Variants in VCL observed in about 807,000 individuals in gnomAD.
VCL encodes the protein vinculin.
A neutral mutation model predicts 125.7 loss-of-function variants in VCL; 47 were observed. The ratio of observed to expected loss-of-function variants is 0.37; its 90% confidence interval spans 0.30 to 0.48. VCL has a LOEUF of 0.48. Ranked by LOEUF, VCL falls within the 20% of genes least tolerant of loss-of-function variation. The probability of loss-of-function intolerance (pLI) is 0.99; values close to 1 mark genes in which losing one functional copy is unlikely to be tolerated. For synonymous variants in VCL, 458 were observed against 514.6 expected (o/e 0.89, Z 1.49); for missense variants, 1,069 against 1,455.5 (o/e 0.73, Z 4.32).
Position 74,109,122 on chromosome 10 carries a change from A to G in VCL, c.2711A>G (p.Gln904Arg), listed in dbSNP as rs1591716090. 6.2e-7 allele frequency: 1 copy of G among 1,614,098 alleles called. No homozygotes were observed. Among genetic ancestry groups the G allele is most frequent in the Non-Finnish European group, 8.5e-7 (1 of 1,180,020 alleles). Residue 904 changes from glutamine (Q) to arginine (R), a missense_variant, in exon 18 of 22, where the codon CAG becomes CGG. Gln to Arg is a conservative substitution (Grantham distance 43, BLOSUM62 1). Transcript: ENST00000211998. ...INQPMMMAAR[Q>R]LHDEARKWSS... ...CAGCCAATGATGATGGCTGCCAGAC[A>G]GCTCCATGATGAAGCTCGCAAATGG...
At chr10:74,083,977 C>G (rs1236814968) in intron 8 of VCL, among the ~76,000 whole-genome samples, 1 of 152,160 alleles carries the variant, frequency 6.6e-6, no homozygotes, top group African/African-American at 2.4e-5. Flanking sequence ...AAGCAGTTCT[C>G]TGCCTCAACC....
intron 16 of VCL, among the ~76,000 whole-genome samples, chr10:74,105,910 C>T (rs549732058): frequency 2.4e-4 from 30 of 124,404 alleles, no homozygotes; most frequent in Admixed American, 2.4e-3. Flanking sequence ...CCAACCTCTG[C>T]GCTTTTTTTT....
In VCL at chr10:74,118,333, C is replaced by CT. The variant is rs1840343103; in HGVS notation, c.*170dup. 3 of 818,218 alleles carry CT rather than the reference C, an allele frequency of 3.7e-6. No homozygotes were observed. Among genetic ancestry groups the CT allele is most frequent in the Non-Finnish European group, 6.0e-6 (3 of 501,854 alleles). 50.7% of individuals were successfully genotyped at this position (818,218 alleles called of 1,614,324 possible). ...CTTCAAATTAGAAGACATTTATACTCTTTTTTCATGGACACTTTGAAATGT... is the reference window on the plus strand; with the variant it reads ...CTTCAAATTAGAAGACATTTATACTCTTTTTTTCATGGACACTTTGAAATGT... On this transcript the variant is annotated 3_prime_UTR_variant, in exon 22 of 22. Transcript: ENST00000211998.
chr10:74,090,832 A>G (rs1014566161), intron 10 of VCL, among the ~76,000 whole-genome samples: 13 of 150,286 alleles, frequency 8.7e-5, no homozygotes, highest in Admixed American at 2.7e-4. Flanking sequence ...ATAGGGTCTC[A>G]CTCTACCACC....
intron 10 of VCL, 45 bp downstream of exon 10, chr10:74,090,243 C>A: frequency 6.2e-7 from 1 of 1,603,202 alleles, no homozygotes; most frequent in Non-Finnish European, 8.5e-7. Flanking sequence ...CTTTTCTTCT[C>A]TTTCTCTCTC....
At chr10:74,104,628 C>A (rs1343649928) in intron 15 of VCL, among the ~76,000 whole-genome samples, 5 of 152,094 alleles carry the variant, frequency 3.3e-5, no homozygotes, top group South Asian at 2.1e-4. Flanking sequence ...TATTGGAATC[C>A]TCCGCATGGC....
chr10:74,008,091 A>C (rs1840353017), intron 1 of VCL, among the ~76,000 whole-genome samples: 1 of 152,174 alleles, frequency 6.6e-6, no homozygotes, highest in Non-Finnish European at 1.5e-5. Flanking sequence ...GGCATGAGCC[A>C]CCGCGCCCGG....
intron 1 of VCL, among the ~76,000 whole-genome samples, chr10:74,015,321 G>A (rs924220647): frequency 6.6e-6 from 1 of 152,234 alleles, no homozygotes; most frequent in African/African-American, 2.4e-5. Context: ...GGGGGGCCCA[G>A]GCGGGTGGAT....
intron 17 of VCL, 88 bp from the exon 18 acceptor site, chr10:74,108,883 T>C: frequency 6.5e-7 from 1 of 1,543,384 alleles, no homozygotes; most frequent in African/African-American, 1.4e-5. Context: ...TGGGTGGGTT[T>C]TCTAGGGATG....
rs765806176 is a variant in VCL, at chr10:74,107,237, A to G, written c.2442A>G (p.Gln814=). 1.9e-6 allele frequency: 3 copies of G among 1,614,194 alleles called. No individual in the cohort carries two copies. The highest frequency in any genetic ancestry group is 1.3e-5 in the African/African-American group (1 of 75,048). ...VAGNISDPGL[Q]KSFLDSGYRI... ...AGGATGTCTTGTGTTTAGGACTGCA[A>G]AAGAGCTTCCTGGACTCAGGATATC... The change falls in exon 17 of 22, where the codon CAA becomes CAG. Residue 814 remains glutamine (Q), a synonymous_variant. Transcript: ENST00000211998.
At chr10:74,053,558 T>G (rs1186138030) in intron 2 of VCL, among the ~76,000 whole-genome samples, 1 of 152,104 alleles carries the variant, frequency 6.6e-6, no homozygotes, top group Non-Finnish European at 1.5e-5. Flanking sequence ...TTTCTCAAGT[T>G]TATTATTTGA....
rs776751791 is a variant in VCL at position 74,074,876 on chromosome 10, T to C, written c.756T>C (p.Ser252=). Residue 252 remains serine, a synonymous_variant, in exon 6 of 22, where the codon TCT becomes TCC. Transcript: ENST00000211998. ...NEIIRVLQLT[S]WDEDAWASKD... is the part of the protein sequence containing the mutation. ...TAATTCGTGTGTTACAACTCACCTC[T>C]TGGGATGAAGATGCCTGGGCCAGCA... is the stretch of plus-strand genomic sequence containing the variant. 1.9e-6 allele frequency: 3 copies of C among 1,614,188 alleles called. No individual in the cohort carries two copies. In the South Asian group the frequency reaches 3.3e-5, roughly 18 times the overall value.
chr10:74,009,806 C>CT (rs999777286), intron 1 of VCL, among the ~76,000 whole-genome samples: 1 of 151,696 alleles, frequency 6.6e-6, no homozygotes, highest in African/African-American at 2.4e-5. Context: ...GACGGGGTTT[C>CT]ACCTATTGGC....
At chr10:74,026,617 GTTTA>G (rs973366753) in intron 1 of VCL, among the ~76,000 whole-genome samples, 136 of 152,286 alleles carry the variant, frequency 8.9e-4, no homozygotes, top group African/African-American at 3.0e-3. Flanking sequence ...AGGGACTAAT[GTTTA>G]TTTAGCCCTT....
intron 5 of VCL, 131 bp downstream of exon 5, chr10:74,072,983 C>T: frequency 3.0e-6 from 4 of 1,351,210 alleles, no homozygotes; most frequent in Non-Finnish European, 4.1e-6. Flanking sequence ...ACTCTGTTGC[C>T]AGGCTGGAGT....
Position 74,094,380 on chromosome 10 carries a change from A to G in VCL, c.1462A>G (p.Lys488Glu), listed in dbSNP as rs1193534102. 1.9e-6 allele frequency: 3 copies of G among 1,614,198 alleles called. No homozygotes were observed. The change falls in exon 11 of 22, where the codon AAA becomes GAA. Residue 488 changes from lysine (K) to glutamate (E), a missense_variant. Coordinates refer to ENST00000211998, the MANE Select transcript of VCL (RefSeq NM_014000.3). ...NRAVANSRPAKAAVHLEGKIE... is the reference protein window; with the variant it reads ...NRAVANSRPAEAAVHLEGKIE... Reference sequence around the variant, plus strand: ...GGCTGTGGCCAACAGCAGACCGGCCAAAGCAGCTGTACACCTTGAGGGCAA... The same window carrying G: ...GGCTGTGGCCAACAGCAGACCGGCCGAAGCAGCTGTACACCTTGAGGGCAA...
chr10:74,112,851 G>A (rs975972035), intron 19 of VCL, among the ~76,000 whole-genome samples: 11 of 152,150 alleles, frequency 7.2e-5, no homozygotes, highest in African/African-American at 2.4e-4. Flanking sequence ...AAGAGTGATG[G>A]GTAGTCACTA....
chr10:74,020,482 C>G (rs1219103917), intron 1 of VCL, among the ~76,000 whole-genome samples: 1 of 151,978 alleles, frequency 6.6e-6, no homozygotes, highest in Non-Finnish European at 1.5e-5. Flanking sequence ...TTCAGGAATG[C>G]CAGTGTTTTT....
intron 17 of VCL, among the ~76,000 whole-genome samples, chr10:74,108,678 C>G (rs1038538689): frequency 2.0e-5 from 3 of 152,114 alleles, no homozygotes; most frequent in African/African-American, 7.2e-5. Context: ...TGGGGTTTCA[C>G]CATTTTGGGC....
Sources: gnomAD v4.1 joint callset for allele counts (sites outside exome capture counted in the v4.1 genomes callset) on GRCh38, gnomAD v4.1.1 for gene constraint, MANE v1.5 for transcripts, NCBI Gene and HGNC (gene_info 2026-07-23, HGNC 2026-07-21) for gene names.